Variants in SDK1 observed in about 807,000 individuals in gnomAD.
The protein encoded by SDK1 is protein sidekick-1.
Under a neutral mutation model 245.5 loss-of-function variants are expected in SDK1, and 157 were observed. The observed-to-expected ratio is 0.64, with a 90% confidence interval of 0.56 to 0.73. The LOEUF is 0.73. SDK1 is among the 30% of genes least tolerant of loss of function. SDK1 has a pLI of 0.00. For missense variants in SDK1, 3,583 were observed against 3,002.3 expected (o/e 1.19, Z -4.52); for synonymous variants, 1,647 against 1,278.5 (o/e 1.29, Z -6.15).
intron 2 of SDK1, among the ~76,000 whole-genome samples, chr7:3,636,582 C>T (rs192159735): frequency 6.6e-6 from 1 of 152,198 alleles, no homozygotes; most frequent in African/African-American, 2.4e-5. Flanking sequence ...TGTGTATACA[C>T]CACCTTTTCT....
chr7:4,082,921 A>G (rs1442218116), intron 22 of SDK1, among the ~76,000 whole-genome samples: 2 of 152,156 alleles, frequency 1.3e-5, no homozygotes, highest in African/African-American at 2.4e-5. Flanking sequence ...GCACCTGGCA[A>G]TTTGAACATT....
chr7:3,547,406 G>C (rs1018384307), intron 1 of SDK1, among the ~76,000 whole-genome samples: 1 of 152,218 alleles, frequency 6.6e-6, no homozygotes, highest in African/African-American at 2.4e-5. Flanking sequence ...CTGGGTGATA[G>C]ATTGAGCTCT....
intron 4 of SDK1, among the ~76,000 whole-genome samples, chr7:3,798,588 G>A (rs1464080305): frequency 1.3e-5 from 2 of 152,062 alleles, no homozygotes; most frequent in African/African-American, 4.8e-5. Flanking sequence ...TTGTCTGATG[G>A]TTTCTCACGA....
chr7:3,549,071 C>CT (rs762649591), intron 1 of SDK1, among the ~76,000 whole-genome samples: 1 of 152,230 alleles, frequency 6.6e-6, no homozygotes, highest in Non-Finnish European at 1.5e-5. Flanking sequence ...TCTTACATGA[C>CT]TTTAACTACT....
intron 5 of SDK1, among the ~76,000 whole-genome samples, chr7:3,874,674 C>G (rs903220054): frequency 2.0e-5 from 3 of 149,310 alleles, no homozygotes; most frequent in African/African-American, 7.7e-5. Context: ...TTGTTTTTTG[C>G]TCTTTCTCCT....
In SDK1 at chr7:4,079,007, A is replaced by T. The variant is rs1240124337; in HGVS notation, c.3203-456A>T. ...CTGACCGGGTGTCACGCCGCCTGGG[A>T]GCAACCCTGGGCCTATGCACTCTTC... On this transcript the variant is annotated intron_variant, in intron 21 of 44. Coordinates refer to ENST00000404826, the MANE Select transcript of SDK1 (RefSeq NM_152744.4). Among the ~76,000 whole-genome samples, 3 of 152,134 alleles carry T rather than the reference A, an allele frequency of 2.0e-5. No individual in the cohort carries two copies. In the East Asian group the frequency reaches 5.8e-4, roughly 29 times the overall value.
chr7:3,950,946 A>G lies in SDK1; in HGVS notation c.871A>G (p.Met291Val). 1.2e-6 allele frequency: 2 copies of G among 1,613,986 alleles called. No homozygotes were observed. The highest frequency in any genetic ancestry group is 8.5e-7 in the Non-Finnish European group (1 of 1,179,940). ...AGGAGATGTTGGCACACCTGAAACCATGGCCCCAACCATTGTGGTTCCCCC... is the reference window on the plus strand; with the variant it reads ...AGGAGATGTTGGCACACCTGAAACCGTGGCCCCAACCATTGTGGTTCCCCC... The part of the protein sequence containing the change: ...IARDVGTPET[M>V]APTIVVPPGN... The change falls in exon 6 of 45, where the codon ATG (methionine) becomes GTG (valine). Residue 291 changes from methionine to valine, a missense_variant. By Grantham distance (21) the Met-to-Val change is conservative. Transcript: ENST00000404826.
intron 5 of SDK1, among the ~76,000 whole-genome samples, chr7:3,835,479 G>C (rs1420358931): frequency 6.6e-6 from 1 of 152,090 alleles, no homozygotes; most frequent in Non-Finnish European, 1.5e-5. Context: ...CTTTCACTTG[G>C]AAATTAAATT....
At chr7:4,162,685 C>T (rs1271577441) in intron 32 of SDK1, among the ~76,000 whole-genome samples, 1 of 152,094 alleles carries the variant, frequency 6.6e-6, no homozygotes, top group Non-Finnish European at 1.5e-5. Context: ...CAGACATGAG[C>T]CACTGTGCCC....
chr7:3,346,539 G>T (rs942265623), intron 1 of SDK1, among the ~76,000 whole-genome samples: 1 of 151,422 alleles, frequency 6.6e-6, no homozygotes, highest in African/African-American at 2.4e-5. Context: ...TAATAGTCAA[G>T]GTCTCACTCT....
chr7:3,499,208 C>T (rs777441995), intron 1 of SDK1, among the ~76,000 whole-genome samples: 7 of 152,274 alleles, frequency 4.6e-5, no homozygotes, highest in Admixed American at 1.3e-4. Context: ...TCCTTAAGAT[C>T]GACATCTTTC....
At chr7:3,407,793 G>C (rs1351647489) in intron 1 of SDK1, among the ~76,000 whole-genome samples, 2 of 152,134 alleles carry the variant, frequency 1.3e-5, no homozygotes, top group African/African-American at 2.4e-5. Flanking sequence ...TTCTCCTCAA[G>C]GAGTTCCCAC....
rs1465737862 is a variant in SDK1, at chr7:3,644,731, C to T, written c.713+2626C>T. ...GAGGTTGCAGTGAGCTACGATGGTGCCACTGTACTCCAGCCTGGGTGACAG... is the reference window on the plus strand; with the variant it reads ...GAGGTTGCAGTGAGCTACGATGGTGTCACTGTACTCCAGCCTGGGTGACAG... On this transcript the variant is annotated intron_variant, in intron 4 of 44. Coordinates refer to ENST00000404826, the MANE Select transcript of SDK1 (RefSeq NM_152744.4). 5.8e-5 allele frequency among the ~76,000 whole-genome samples: 8 copies of T among 138,410 alleles called. No homozygotes were observed. In the Admixed American group the frequency reaches 6.5e-4, roughly 11 times the overall value. 90.8% of individuals were successfully genotyped at this position (138,410 alleles called of 152,430 possible). A position where few individuals can be genotyped will look rare whatever the true frequency, so the allele number is the denominator to read the frequency against.
intron 1 of SDK1, among the ~76,000 whole-genome samples, chr7:3,609,815 C>T (rs1194240520): frequency 6.6e-6 from 1 of 151,994 alleles, no homozygotes; most frequent in African/African-American, 2.4e-5. Context: ...ATTCTCCTGC[C>T]TCAGACTCAC....
chr7:3,812,396 G>A (rs1779407181), intron 4 of SDK1, among the ~76,000 whole-genome samples: 1 of 152,132 alleles, frequency 6.6e-6, no homozygotes, highest in Admixed American at 6.6e-5. Flanking sequence ...AAATCCAAAG[G>A]ATTTTAAAGG....
intron 1 of SDK1, among the ~76,000 whole-genome samples, chr7:3,363,762 C>T (rs947167098): frequency 1.2e-4 from 18 of 152,328 alleles, no homozygotes; most frequent in African/African-American, 4.3e-4. Flanking sequence ...CCCGGAGGAG[C>T]TCAGGCGGGA....
Position 3,301,893 on chromosome 7 carries a change from G to C in SDK1, c.298+9G>C. On this transcript the variant is annotated intron_variant, in intron 1 of 44. Transcript: ENST00000404826. ...CCGGGCGCTGGCGCAAGGTAGGTGC[G>C]CGCGGGGTCGCGGGCCGGGGGCGTC... The C allele has an allele frequency of 8.8e-7, 1 of 1,134,268 alleles. No homozygotes were observed. The highest frequency in any genetic ancestry group is 1.1e-6 in the Non-Finnish European group (1 of 925,422). 70.3% of individuals were successfully genotyped at this position (1,134,268 alleles called of 1,614,324 possible).
At chr7:4,235,167 T>G (rs1226850253) in intron 41 of SDK1, among the ~76,000 whole-genome samples, 2 of 152,062 alleles carry the variant, frequency 1.3e-5, no homozygotes, top group African/African-American at 4.8e-5. Flanking sequence ...GAGGACCACC[T>G]GATTTTATTT....
intron 1 of SDK1, among the ~76,000 whole-genome samples, chr7:3,437,723 T>C (rs1388062387): frequency 1.3e-5 from 2 of 152,188 alleles, no homozygotes; most frequent in African/African-American, 4.8e-5. Context: ...CACTCCAGCC[T>C]GGGTGACAGA....
Sources: allele counts gnomAD v4.1 joint callset (sites outside exome capture counted in the v4.1 genomes callset), GRCh38; gene constraint gnomAD v4.1.1; transcripts MANE v1.5; gene names NCBI Gene and HGNC (gene_info 2026-07-23, HGNC 2026-07-21).